The following P4HA1 variants were observed in gnomAD, a reference collection of about 807,000 sequenced individuals.
The protein encoded by P4HA1 is prolyl 4-hydroxylase subunit alpha 1, also known as prolyl 4-hydroxylase subunit alpha-1.
P4HA1 carries 24 observed loss-of-function variants against 72.8 expected under a neutral mutation model. The observed-to-expected ratio is 0.33, with a 90% CI of 0.24 to 0.46. The LOEUF (loss-of-function observed/expected upper bound fraction) is 0.46, where lower values mean the gene tolerates loss of function less well. Among genes scored for constraint, P4HA1 ranks in the 20% least tolerant of loss-of-function variants. The probability of loss-of-function intolerance (pLI) is 1.00; values close to 1 mark genes in which losing one functional copy is unlikely to be tolerated. For synonymous variants in P4HA1, 201 were observed against 218.8 expected, an observed-to-expected ratio of 0.92 and a Z score of 0.72; for missense variants, 446 against 640.6, an observed-to-expected ratio of 0.70 and a Z score of 3.28.
intron 9 of P4HA1, chr10:73,043,914 G>C: frequency 6.2e-7 from 1 of 1,612,740 alleles, no homozygotes; most frequent in Non-Finnish European, 8.5e-7. Context: ...CTGTGCTGTG[G>C]TCAATTTTCC....
At chr10:73,068,799 G>T (rs536013981) in intron 5 of P4HA1, 47 bp downstream of exon 5, 1 of 1,504,592 alleles carries the variant, frequency 6.6e-7, no homozygotes, top group East Asian at 2.3e-5. Context: ...GGACTCAACA[G>T]AGAAGCTAGG....
At chr10:73,009,703 C>G in intron 14 of P4HA1, 104 bp downstream of exon 14, 1 of 613,930 alleles carries the variant, frequency 1.6e-6, no homozygotes, top group South Asian at 2.2e-5. Context: ...ATGTTAAAAT[C>G]ATATTAAGCA....
At chr10:73,018,229 G>A (rs570235188) in intron 10 of P4HA1, among the ~76,000 whole-genome samples, 21 of 152,170 alleles carry the variant, frequency 1.4e-4, no homozygotes, top group African/African-American at 5.1e-4. Context: ...TGAGATGTCT[G>A]GGCCACCCAG....
chr10:73,076,360 GTTTTTTTT>G lies in P4HA1; in HGVS notation c.-32-1453_-32-1446del, dbSNP rs553512800. Among the ~76,000 whole-genome samples, 10 of 136,008 alleles carry G rather than the reference GTTTTTTTT, an allele frequency of 7.4e-5. No individual in the cohort carries two copies. The South Asian group carries it at 2.3e-3, about 32-fold the overall frequency. 89.2% of individuals were successfully genotyped at this position (136,008 alleles called of 152,430 possible). On this transcript the variant is annotated intron_variant, in intron 1 of 14. Transcript: ENST00000394890. Reference sequence around the variant, plus strand: ...AATACAGGTCTGTACCACTGTGCCTGTTTTTTTTTTTTTTTTAAGTTGTAGAGAATCCA... The same window carrying G: ...AATACAGGTCTGTACCACTGTGCCTGTTTTTTTTAAGTTGTAGAGAATCCA...
intron 1 of P4HA1, among the ~76,000 whole-genome samples, chr10:73,075,326 C>G (rs1030424997): frequency 2.6e-5 from 4 of 152,112 alleles, no homozygotes; most frequent in African/African-American, 7.2e-5. Flanking sequence ...CCAGGCTGGT[C>G]TCGAACTCCT....
At chr10:73,049,579 A>C (rs889114579) in intron 7 of P4HA1, among the ~76,000 whole-genome samples, 2 of 152,284 alleles carry the variant, frequency 1.3e-5, no homozygotes, top group East Asian at 3.9e-4. Flanking sequence ...TGTTCCCCAG[A>C]CTTTGTTCTT....
Position 73,008,239 on chromosome 10 carries a change from A to G in P4HA1, c.1588T>C (p.Leu530=), listed in dbSNP as rs1239843831. 5 of 1,606,798 alleles carry G rather than the reference A, an allele frequency of 3.1e-6. No homozygotes were observed. The highest frequency in any genetic ancestry group is 1.7e-5 in the Admixed American group (1 of 59,992). Residue 530 remains leucine (L), a synonymous_variant, in exon 15 of 15, where the codon TTG becomes CTG. Coordinates refer to ENST00000394890, the MANE Select transcript of P4HA1 (RefSeq NM_001017962.3). ...RGQEFRRPCT[L]SELE is the part of the protein sequence containing the mutation. ...CCTGTTTGTCATTCCAATTCTGACA[A>G]CGTACAAGGTCTTCGAAATTCTTGT...
intron 10 of P4HA1, among the ~76,000 whole-genome samples, chr10:73,020,835 A>G (rs1002729687): frequency 6.6e-6 from 1 of 152,192 alleles, no homozygotes; most frequent in African/African-American, 2.4e-5. Flanking sequence ...AAAAGCTTTC[A>G]AAAAAATTCA....
chr10:73,040,052 T>G (rs1840696385), intron 9 of P4HA1, among the ~76,000 whole-genome samples: 1 of 151,810 alleles, frequency 6.6e-6, no homozygotes, highest in Non-Finnish European at 1.5e-5. Flanking sequence ...TTTTTGTAAA[T>G]AGAGACAAGG....
intron 5 of P4HA1, among the ~76,000 whole-genome samples, chr10:73,062,662 A>C (rs1841338571): frequency 6.6e-6 from 1 of 152,240 alleles, no homozygotes; most frequent in South Asian, 2.1e-4. Context: ...TTGATTGAAT[A>C]CACTTCAAAG....
rs200685647 is a variant in P4HA1 at position 73,043,980 on chromosome 10, A to G, written c.1148+1001T>C. The G allele has an allele frequency of 1.2e-5, 19 of 1,587,306 alleles. No homozygotes were observed. The African/African-American group carries it at 2.2e-4, about 18-fold the overall frequency. On this transcript the variant is annotated intron_variant, in intron 9 of 14. Transcript: ENST00000394890. ...CAGCTACAAAAAAAGAGAAAGGACA[A>G]GGACTTACTCCAGTAGCAGGCAATT...
chr10:73,056,533 G>A (rs1841151546), intron 5 of P4HA1, among the ~76,000 whole-genome samples: 1 of 152,128 alleles, frequency 6.6e-6, no homozygotes, highest in Admixed American at 6.5e-5. Flanking sequence ...TCAGGAGGCT[G>A]AGGCAGGAGA....
intron 5 of P4HA1, among the ~76,000 whole-genome samples, chr10:73,059,399 G>A (rs1183963376): frequency 4.0e-5 from 5 of 125,182 alleles, no homozygotes; most frequent in Admixed American, 9.6e-5. Context: ...AGACAACCCC[G>A]GGCAAAATAA....
intron 14 of P4HA1, 33 bp from the exon 15 acceptor site, chr10:73,008,325 C>G (rs956409877): frequency 7.7e-7 from 1 of 1,292,122 alleles, no homozygotes; most frequent in African/African-American, 1.5e-5. Flanking sequence ...TAATTTTCCC[C>G]CTTAATCTAA....
At chr10:73,012,027 T>C (rs1164888980) in intron 12 of P4HA1, among the ~76,000 whole-genome samples, 2 of 152,188 alleles carry the variant, frequency 1.3e-5, no homozygotes, top group South Asian at 2.1e-4. Flanking sequence ...ATTTGAGATA[T>C]TCTATGTGCC....
At chr10:73,039,170 G>A (rs1840673973) in intron 9 of P4HA1, among the ~76,000 whole-genome samples, 1 of 152,052 alleles carries the variant, frequency 6.6e-6, no homozygotes, top group Non-Finnish European at 1.5e-5. Flanking sequence ...TGTATTCCCA[G>A]CTACTCGGGA....
chr10:73,037,674 G>T (rs1169039220), intron 9 of P4HA1, among the ~76,000 whole-genome samples: 13 of 145,956 alleles, frequency 8.9e-5, no homozygotes, highest in Admixed American at 8.2e-4. Context: ...GTGCTTGATG[G>T]TTAACAAAGG....
chr10:73,018,871 T>C (rs1012881791), intron 10 of P4HA1, among the ~76,000 whole-genome samples: 6 of 151,980 alleles, frequency 3.9e-5, no homozygotes, highest in African/African-American at 9.7e-5. Flanking sequence ...CCTGGCACTA[T>C]AGGCAACCTA....
intron 9 of P4HA1, among the ~76,000 whole-genome samples, chr10:73,036,466 G>A (rs991852847): frequency 4.0e-5 from 6 of 151,754 alleles, no homozygotes; most frequent in African/African-American, 9.7e-5. Context: ...ACGCTATCTC[G>A]ACTCACTGCA....
Sources: gnomAD v4.1 joint callset for allele counts (sites outside exome capture counted in the v4.1 genomes callset) on GRCh38, gnomAD v4.1.1 for gene constraint, MANE v1.5 for transcripts, NCBI Gene and HGNC (gene_info 2026-07-23, HGNC 2026-07-21) for gene names.